Variants in TAFA2 observed in about 807,000 individuals in gnomAD.
The protein encoded by TAFA2 is TAFA chemokine like family member 2.
A neutral mutation model predicts 18.8 loss-of-function variants in TAFA2; 7 were observed. The ratio of observed to expected loss-of-function variants is 0.37; its 90% CI spans 0.21 to 0.70. The LOEUF (loss-of-function observed/expected upper bound fraction) is 0.70. Ranked by LOEUF, TAFA2 falls within the 30% of genes least tolerant of loss-of-function variation. The pLI is 0.53. For missense variants in TAFA2, 122 were observed against 158.1 expected, an observed-to-expected ratio of 0.77 and a Z score of 1.23; for synonymous variants, 60 against 54.2, an observed-to-expected ratio of 1.11 and a Z score of -0.47.
chr12:61,816,618 A>T (rs1295419829), intron 2 of TAFA2, among the ~76,000 whole-genome samples: 1 of 151,370 alleles, frequency 6.6e-6, no homozygotes, highest in Non-Finnish European at 1.5e-5. Flanking sequence ...ACAATGGTTG[A>T]ACTAATTTAC....
rs180911907 is a variant in TAFA2 at position 61,902,578 on chromosome 12, A to C, written c.-1-35152T>G. Among the ~76,000 whole-genome samples, 46 of 152,110 alleles carry C rather than the reference A, an allele frequency of 3.0e-4. 1 individual carries two copies. The highest frequency in any genetic ancestry group is 2.9e-3 in the Admixed American group (45 of 15,278). On this transcript the variant is annotated intron_variant, in intron 1 of 4. Transcript: ENST00000416284. ...CTCACTGTCAGGGTGTTTTGCTGGC[A>C]TTTGCTCTTCCGGCTGACCTCTGAT...
chr12:62,104,753 G>A (rs750463983), intron 1 of TAFA2: 9 of 454,636 alleles, frequency 2.0e-5, no homozygotes, highest in South Asian at 9.3e-5. Flanking sequence ...CCTGGTAATC[G>A]GGGTGACCAT....
At position 61,887,622 on chromosome 12, in the gene TAFA2, C is replaced by T. The variant is rs1298436609; in HGVS notation, c.-1-20196G>A. Among the ~76,000 whole-genome samples, 19 of 130,928 alleles carry T rather than the reference C, an allele frequency of 1.5e-4. No individual in the cohort carries two copies. The East Asian group carries it at 4.1e-3, about 28-fold the overall frequency. 85.9% of individuals were successfully genotyped at this position (130,928 alleles called of 152,430 possible). A position where few individuals can be genotyped will look rare whatever the true frequency, so the allele number is the denominator to read the frequency against. ...ACAACAGTCCCCAGAGTGTGATGTT[C>T]CCCTTCCTGTGTCCATGTGATCTCA... On this transcript the variant is annotated intron_variant, in intron 1 of 4. Transcript: ENST00000416284.
intron 1 of TAFA2, among the ~76,000 whole-genome samples, chr12:61,953,176 G>A (rs1244761520): frequency 3.9e-5 from 6 of 151,942 alleles, no homozygotes; most frequent in Non-Finnish European, 4.4e-5. Flanking sequence ...AGAACCTATT[G>A]CCATGGGAGA....
At chr12:62,153,529 G>A (rs940190162) in intron 1 of TAFA2, among the ~76,000 whole-genome samples, 104 of 152,094 alleles carry the variant, frequency 6.8e-4, no homozygotes, top group African/African-American at 2.3e-3. Flanking sequence ...AATTAGCCAG[G>A]TGTGATAACG....
chr12:62,079,377 G>A lies in TAFA2; in HGVS notation c.-2+111882C>T, dbSNP rs535641409. ...TTGATAAAAGTTTAACAGTGGCCGG[G>A]CGCCGTGGCTCACACCTGTAATCCC... On this transcript the variant is annotated intron_variant, in intron 1 of 4. Coordinates refer to ENST00000416284, the MANE Select transcript of TAFA2 (RefSeq NM_178539.5). Among the ~76,000 whole-genome samples, 74 of 152,184 alleles carry A rather than the reference G, an allele frequency of 4.9e-4. 1 individual carries two copies. The highest frequency in any genetic ancestry group is 1.4e-3 in the African/African-American group (57 of 41,510).
intron 1 of TAFA2, among the ~76,000 whole-genome samples, chr12:62,081,798 T>C (rs1467911558): frequency 6.6e-6 from 1 of 152,104 alleles, no homozygotes; most frequent in Non-Finnish European, 1.5e-5. Context: ...TCAACTTGTA[T>C]TTTAAGTTCA....
intron 1 of TAFA2, among the ~76,000 whole-genome samples, chr12:62,077,595 G>A (rs1267670512): frequency 6.6e-6 from 1 of 152,136 alleles, no homozygotes; most frequent in Non-Finnish European, 1.5e-5. Flanking sequence ...GTATTATAAA[G>A]CATGCAATAA....
intron 2 of TAFA2, among the ~76,000 whole-genome samples, chr12:61,840,129 G>T (rs970773917): frequency 6.6e-5 from 10 of 151,988 alleles, no homozygotes; most frequent in Non-Finnish European, 1.3e-4. Context: ...TCTTTAGAGG[G>T]GCAGTTATTC....
intron 2 of TAFA2, among the ~76,000 whole-genome samples, chr12:61,792,703 T>C (rs1871032734): frequency 6.6e-6 from 1 of 151,500 alleles, no homozygotes; most frequent in African/African-American, 2.4e-5. Flanking sequence ...TAAAAAATAC[T>C]AGCAGGGACA....
chr12:61,735,915 T>C (rs1868296253), intron 4 of TAFA2, among the ~76,000 whole-genome samples: 1 of 152,156 alleles, frequency 6.6e-6, no homozygotes, highest in East Asian at 1.9e-4. Flanking sequence ...AAGAATTACA[T>C]TTGCTTTTGC....
chr12:62,134,442 T>C (rs991469174), intron 1 of TAFA2, among the ~76,000 whole-genome samples: 3 of 151,928 alleles, frequency 2.0e-5, no homozygotes, highest in African/African-American at 7.2e-5. Context: ...AAGACAGCCA[T>C]CTGAAAACCA....
intron 1 of TAFA2, among the ~76,000 whole-genome samples, chr12:62,051,320 T>C (rs1882048765): frequency 6.6e-6 from 1 of 152,162 alleles, no homozygotes; most frequent in Non-Finnish European, 1.5e-5. Context: ...CAAATTCCCA[T>C]GTTTTTCATA....
rs140348676 is a variant in TAFA2, at chr12:61,925,389, C to T, written c.-1-57963G>A. Among the ~76,000 whole-genome samples, 554 of 152,150 alleles carry T rather than the reference C, an allele frequency of 3.6e-3. 13 individuals carry two copies. The highest frequency in any genetic ancestry group is 2.1e-3 in the Non-Finnish European group (140 of 67,962). On this transcript the variant is annotated intron_variant, in intron 1 of 4. Coordinates refer to ENST00000416284, the MANE Select transcript of TAFA2 (RefSeq NM_178539.5). ...AATGGAAATCATAACAAACAGTCTC[C>T]CAAACCACAGTGCAATCAAATTAGA...
chr12:61,932,346 GATAA>G (rs1232981643), intron 1 of TAFA2, among the ~76,000 whole-genome samples: 2 of 152,136 alleles, frequency 1.3e-5, no homozygotes, highest in African/African-American at 4.8e-5. Context: ...CAGTGACAGT[GATAA>G]ATAGATGCCT....
At chr12:62,235,131 C>T (rs2062830853) in intron 1 of TAFA2, 1 of 649,060 alleles carries the variant, frequency 1.5e-6, no homozygotes, top group South Asian at 1.4e-5. Context: ...TATCTGGGGC[C>T]CACTGAAAAT....
At chr12:61,889,429 A>G (rs114411152) in intron 1 of TAFA2, among the ~76,000 whole-genome samples, 29 of 152,222 alleles carry the variant, frequency 1.9e-4, no homozygotes, top group African/African-American at 5.3e-4. Context: ...GATGTATTTT[A>G]CCTTACAATC....
chr12:62,229,539 C>A (rs949903520), intron 1 of TAFA2, among the ~76,000 whole-genome samples: 1 of 151,926 alleles, frequency 6.6e-6, no homozygotes, highest in Non-Finnish European at 1.5e-5. Context: ...ATATGTTGAA[C>A]CATTCTTGTA....
intron 1 of TAFA2, among the ~76,000 whole-genome samples, chr12:62,126,117 C>T (rs1400355103): frequency 6.6e-6 from 1 of 152,018 alleles, no homozygotes; most frequent in Non-Finnish European, 1.5e-5. Flanking sequence ...ATATAGCTCC[C>T]CATATTCTCC....
Sources: gnomAD v4.1 joint callset for allele counts (sites outside exome capture counted in the v4.1 genomes callset) on GRCh38, gnomAD v4.1.1 for gene constraint, MANE v1.5 for transcripts, NCBI Gene and HGNC (gene_info 2026-07-23, HGNC 2026-07-21) for gene names.